The following MGAT2 variants were observed in gnomAD, a reference collection of about 807,000 sequenced individuals.
MGAT2 encodes the protein Beta-1,2-N-acetylglucosaminyltransferase II.
A neutral mutation model predicts 33.8 loss-of-function variants in MGAT2; 17 were observed. The observed-to-expected ratio is 0.50, with a 90% CI of 0.34 to 0.76. The LOEUF is 0.76. MGAT2 is among the 30% of genes least tolerant of loss of function. The probability of loss-of-function intolerance (pLI) is 0.01; values close to 1 mark genes in which losing one functional copy is unlikely to be tolerated. For missense variants in MGAT2, 529 were observed against 553.9 expected, an observed-to-expected ratio of 0.96 and a Z score of 0.45; for synonymous variants, 248 against 226.7, an observed-to-expected ratio of 1.09 and a Z score of -0.84.
rs767775001 is a variant in MGAT2, at chr14:49,622,443, G to A, written c.1175G>A (p.Ser392Asn). 23 of 1,613,864 alleles carry A rather than the reference G, an allele frequency of 1.4e-5. No individual in the cohort carries two copies. The African/African-American group carries it at 1.5e-4, about 10-fold the overall frequency. The change falls in exon 1 of 1, where the codon AGT (serine) becomes AAT (asparagine). Residue 392 changes from serine (S) to asparagine (N), a missense_variant. Ser to Asn is a conservative substitution (Grantham distance 46). Transcript: ENST00000305386. ...HKKTCRPSTQ[S>N]AQIESLLNNN... ...AAAACCTGTAGACCATCCACTCAGA[G>A]TGCCCAAATTGAGTCACTCTTAAAT...
At position 49,622,135 on chromosome 14, in the gene MGAT2, C is replaced by T. The variant is rs781772583; in HGVS notation, c.867C>T (p.Leu289=). 7 of 1,614,088 alleles carry T rather than the reference C, an allele frequency of 4.3e-6. No individual in the cohort carries two copies. Among genetic ancestry groups the T allele is most frequent in the Middle Eastern group, 1.6e-4 (1 of 6,084 alleles). Residue 289 remains leucine, a synonymous_variant, in exon 1 of 1, where the codon CTC becomes CTT. Transcript: ENST00000305386. ...KQQECPECDV[L]SLGTYSASRS... ...AAGAGTGCCCTGAATGTGATGTTCTCTCCCTGGGGACCTATAGTGCCAGTC... is the reference window on the plus strand; with the variant it reads ...AAGAGTGCCCTGAATGTGATGTTCTTTCCCTGGGGACCTATAGTGCCAGTC...
chr14:49,621,102 C>T lies in MGAT2; in HGVS notation c.-167C>T, dbSNP rs1882831420. ...GCGGCGCGGGGTAAATGAGAGGTCT[C>T]GGGCCCCAGGACCCCCGGGGCCCGG... On this transcript the variant is annotated 5_prime_UTR_variant, in exon 1 of 1. Transcript: ENST00000305386. This position sits in a 1 kb window ranked among gnomAD's most constrained non-coding sequence, Gnocchi z 4.6. The T allele has an allele frequency of 5.0e-6, 5 of 995,146 alleles. No homozygotes were observed. Among genetic ancestry groups the T allele is most frequent in the South Asian group, 4.1e-5 (3 of 73,104 alleles). 61.6% of individuals were successfully genotyped at this position (995,146 alleles called of 1,614,324 possible).
chr14:49,622,100 C>G lies in MGAT2; in HGVS notation c.832C>G (p.Leu278Val), dbSNP rs1243185255. ...CCATGTCTTCAAAAAGATGTGGAAA[C>G]TGAAGCAGCAAGAGTGCCCTGAATG... ...FYHVFKKMWKLKQQECPECDV... is the reference protein window; with the variant it reads ...FYHVFKKMWKVKQQECPECDV... The change falls in exon 1 of 1, where the codon CTG becomes GTG. Residue 278 changes from leucine to valine, a missense_variant. Physicochemically the swap from Leu to Val is conservative, Grantham distance 32. This residue lies in a region of MGAT2 where 501 missense variants were observed against 501.1 expected (regional missense o/e 1.00). Coordinates refer to ENST00000305386, the MANE Select transcript of MGAT2 (RefSeq NM_002408.4). 4 of 1,614,066 alleles carry G rather than the reference C, an allele frequency of 2.5e-6. No homozygotes were observed. Among genetic ancestry groups the G allele is most frequent in the Non-Finnish European group, 3.4e-6 (4 of 1,180,034 alleles).
Position 49,621,726 on chromosome 14 carries a change from A to G in MGAT2, c.458A>G (p.His153Arg), listed in dbSNP as rs746429053. 1.9e-6 allele frequency: 3 copies of G among 1,614,220 alleles called. No homozygotes were observed. Among genetic ancestry groups the G allele is most frequent in the East Asian group, 4.5e-5 (2 of 44,888 alleles). Residue 153 changes from histidine to arginine, a missense_variant, in exon 1 of 1, where the codon CAT becomes CGT. His to Arg is a conservative substitution (Grantham distance 29). Around this residue, in one of 2 missense-constraint regions of MGAT2, gnomAD observed 501 missense variants for 501.1 expected, o/e 1.00. Coordinates refer to ENST00000305386, the MANE Select transcript of MGAT2 (RefSeq NM_002408.4). The surrounding 1 kb of genome is among the most constrained non-coding windows in gnomAD (Gnocchi z 4.6). The stretch of plus-strand genomic sequence containing the variant: ...GACAACGTCCTCGTCATCTTTAGCC[A>G]TGACTTCTGGTCGACCGAGATCAAT... ...GIDNVLVIFS[H>R]DFWSTEINQL...
In MGAT2 at chr14:49,622,787, A is replaced by G; in HGVS notation, c.*175A>G. ...CAGTTATGTCTGATTAAGATTTAAA[A>G]CTGAAGGTTTCATTTTGGGAGTAGG... is the stretch of plus-strand genomic sequence containing the variant. On this transcript the variant is annotated 3_prime_UTR_variant, in exon 1 of 1. Coordinates refer to ENST00000305386, the MANE Select transcript of MGAT2 (RefSeq NM_002408.4). 1 of 568,896 alleles carries G rather than the reference A, an allele frequency of 1.8e-6. No homozygotes were observed. The highest frequency in any genetic ancestry group is 2.8e-6 in the Non-Finnish European group (1 of 351,964). The allele number at this position is 568,896 out of a possible 1,614,324, so 35.2% of individuals were successfully genotyped here.
In MGAT2 at chr14:49,621,210, G is replaced by T; in HGVS notation, c.-59G>T. The T allele has an allele frequency of 6.2e-7, 1 of 1,603,970 alleles. No individual in the cohort carries two copies. The highest frequency in any genetic ancestry group is 1.1e-5 in the South Asian group (1 of 90,538). The stretch of plus-strand genomic sequence containing the variant: ...CGGCCGCCGCCCGCCCGCCCCTTCC[G>T]TGCAGAAGCAGCTGCTCCTTTCCGC... On this transcript the variant is annotated 5_prime_UTR_variant, in exon 1 of 1. Coordinates refer to ENST00000305386, the MANE Select transcript of MGAT2 (RefSeq NM_002408.4). The surrounding 1 kb of genome is among the most constrained non-coding windows in gnomAD (Gnocchi z 4.6).
Position 49,620,969 on chromosome 14 carries a change from G to T in MGAT2, c.-300G>T. The T allele has an allele frequency of 1.4e-6, 1 of 702,378 alleles. No homozygotes were observed. Among genetic ancestry groups the T allele is most frequent in the Non-Finnish European group, 2.6e-6 (1 of 384,968 alleles). 43.5% of individuals were successfully genotyped at this position (702,378 alleles called of 1,614,324 possible). A position where few individuals can be genotyped will look rare whatever the true frequency, so the allele number is the denominator to read the frequency against. On this transcript the variant is annotated 5_prime_UTR_variant, in exon 1 of 1. Coordinates refer to ENST00000305386, the MANE Select transcript of MGAT2 (RefSeq NM_002408.4). ...GGGACCGCGGCTGAGCTTTTTCCGG[G>T]ACCCGTGGTGCTGAATGGAGAGGAC...
chr14:49,621,199 C>T lies in MGAT2; in HGVS notation c.-70C>T. 1.1e-5 allele frequency: 17 copies of T among 1,602,656 alleles called. No individual in the cohort carries two copies. The highest frequency in any genetic ancestry group is 1.4e-5 in the Non-Finnish European group (16 of 1,176,146). On this transcript the variant is annotated 5_prime_UTR_variant, in exon 1 of 1. Transcript: ENST00000305386. This position sits in a 1 kb window ranked among gnomAD's most constrained non-coding sequence, Gnocchi z 4.6. ...GGCCAAGGCGACGGCCGCCGCCCGC[C>T]CGCCCCTTCCGTGCAGAAGCAGCTG... is the stretch of plus-strand genomic sequence containing the variant.
Position 49,621,940 on chromosome 14 carries a change from G to A in MGAT2, c.672G>A (p.Glu224=), listed in dbSNP as rs1882867147. The A allele has an allele frequency of 2.5e-6, 4 of 1,614,162 alleles. No individual in the cohort carries two copies. The highest frequency in any genetic ancestry group is 3.4e-6 in the Non-Finnish European group (4 of 1,180,026). ...CCGACTCCTTCGGCCATTATAGAGA[G>A]GCCAAATTCTCCCAGACCAAACATC... ...EYPDSFGHYR[E]AKFSQTKHHW... Residue 224 remains glutamate (E), a synonymous_variant, in exon 1 of 1, where the codon GAG becomes GAA. Transcript: ENST00000305386. The surrounding 1 kb of genome is among the most constrained non-coding windows in gnomAD (Gnocchi z 4.6).
At position 49,622,824 on chromosome 14, in the gene MGAT2, C is replaced by T. The variant is rs1185570999; in HGVS notation, c.*212C>T. ...ATTTTGGGAGTAGGGTTTTAAAGCT[C>T]AATCTGTTATCTGCTAAAATTGATT... is the stretch of plus-strand genomic sequence containing the variant. On this transcript the variant is annotated 3_prime_UTR_variant, in exon 1 of 1. Coordinates refer to ENST00000305386, the MANE Select transcript of MGAT2 (RefSeq NM_002408.4). 4.8e-6 allele frequency: 2 copies of T among 419,322 alleles called. No homozygotes were observed. The highest frequency in any genetic ancestry group is 8.6e-6 in the Non-Finnish European group (2 of 232,038). The allele number at this position is 419,322 out of a possible 1,614,324, so 26.0% of individuals were successfully genotyped here.
Position 49,621,795 on chromosome 14 carries a change from T to C in MGAT2, c.527T>C (p.Phe176Ser). ...GVNFCPVLQV[F>S]FPFSIQLYPN... is the part of the protein sequence containing the mutation. ...AATTTCTGTCCGGTTCTGCAGGTGT[T>C]CTTTCCTTTCAGCATTCAGTTGTAC... Residue 176 changes from phenylalanine to serine, a missense_variant, in exon 1 of 1, where the codon TTC (phenylalanine) becomes TCC (serine). Coordinates refer to ENST00000305386, the MANE Select transcript of MGAT2 (RefSeq NM_002408.4). The surrounding 1 kb of genome is among the most constrained non-coding windows in gnomAD (Gnocchi z 4.6). The C allele has an allele frequency of 6.2e-7, 1 of 1,614,186 alleles. No individual in the cohort carries two copies. Among genetic ancestry groups the C allele is most frequent in the Non-Finnish European group, 8.5e-7 (1 of 1,180,022 alleles).
chr14:49,622,149 A>G lies in MGAT2; in HGVS notation c.881A>G (p.Tyr294Cys), dbSNP rs777502631. 5 of 1,614,196 alleles carry G rather than the reference A, an allele frequency of 3.1e-6. No homozygotes were observed. Among genetic ancestry groups the G allele is most frequent in the Non-Finnish European group, 3.4e-6 (4 of 1,180,030 alleles). ...TGTGATGTTCTCTCCCTGGGGACCT[A>G]TAGTGCCAGTCGCAGTTTCTATGGC... Reference protein sequence around the residue: ...PECDVLSLGTYSASRSFYGMA... With the variant: ...PECDVLSLGTCSASRSFYGMA... Residue 294 changes from tyrosine (Y) to cysteine (C), a missense_variant, in exon 1 of 1, where the codon TAT becomes TGT. Transcript: ENST00000305386.
chr14:49,622,094 T>G lies in MGAT2; in HGVS notation c.826T>G (p.Trp276Gly), dbSNP rs920396388. 6.2e-7 allele frequency: 1 copy of G among 1,614,044 alleles called. No homozygotes were observed. Among genetic ancestry groups the G allele is most frequent in the African/African-American group, 1.3e-5 (1 of 74,910 alleles). ...PDFYHVFKKMWKLKQQECPEC... is the reference protein window; with the variant it reads ...PDFYHVFKKMGKLKQQECPEC... ...CTTTTACCATGTCTTCAAAAAGATG[T>G]GGAAACTGAAGCAGCAAGAGTGCCC... is the stretch of plus-strand genomic sequence containing the variant. The change falls in exon 1 of 1, where the codon TGG becomes GGG. Residue 276 changes from tryptophan to glycine, a missense_variant. Trp to Gly is a radical substitution (Grantham distance 184). Coordinates refer to ENST00000305386, the MANE Select transcript of MGAT2 (RefSeq NM_002408.4).
rs104894446 is a variant in MGAT2 at position 49,622,137 on chromosome 14, C to T, written c.869C>T (p.Ser290Phe). Residue 290 changes from serine (S) to phenylalanine (F), a missense_variant, in exon 1 of 1, where the codon TCC (serine) becomes TTC (phenylalanine). Transcript: ENST00000305386. ...GAGTGCCCTGAATGTGATGTTCTCTCCCTGGGGACCTATAGTGCCAGTCGC... is the reference window on the plus strand; with the variant it reads ...GAGTGCCCTGAATGTGATGTTCTCTTCCTGGGGACCTATAGTGCCAGTCGC... ...QQECPECDVL[S>F]LGTYSASRSF... The T allele has an allele frequency of 1.2e-6, 2 of 1,614,150 alleles. No homozygotes were observed. Among genetic ancestry groups the T allele is most frequent in the Non-Finnish European group, 8.5e-7 (1 of 1,180,034 alleles).
rs535317346 is a variant in MGAT2 at position 49,623,326 on chromosome 14, G to T, written c.*714G>T. On this transcript the variant is annotated 3_prime_UTR_variant, in exon 1 of 1. Transcript: ENST00000305386. ...AAAATACTCATTTTTGCATAAAAAG[G>T]TTCCTAATCCTTTTGCAGAATAAGT... 6.6e-4 allele frequency: 110 copies of T among 166,604 alleles called. No homozygotes were observed. The highest frequency in any genetic ancestry group is 2.4e-3 in the African/African-American group (100 of 41,348). 10.3% of individuals were successfully genotyped at this position (166,604 alleles called of 1,614,324 possible).
In MGAT2 at chr14:49,622,097, A is replaced by C; in HGVS notation, c.829A>C (p.Lys277Gln). ...TTACCATGTCTTCAAAAAGATGTGG[A>C]AACTGAAGCAGCAAGAGTGCCCTGA... ...DFYHVFKKMWKLKQQECPECD... is the reference protein window; with the variant it reads ...DFYHVFKKMWQLKQQECPECD... Residue 277 changes from lysine to glutamine, a missense_variant, in exon 1 of 1, where the codon AAA becomes CAA. By Grantham distance (53) the Lys-to-Gln change is moderately conservative (BLOSUM62 1). Coordinates refer to ENST00000305386, the MANE Select transcript of MGAT2 (RefSeq NM_002408.4). 6.2e-7 allele frequency: 1 copy of C among 1,614,192 alleles called. No homozygotes were observed. Among genetic ancestry groups the C allele is most frequent in the South Asian group, 1.1e-5 (1 of 91,088 alleles).
rs1882906007 is a variant in MGAT2 at position 49,623,251 on chromosome 14, G to A, written c.*639G>A. 2 of 166,276 alleles carry A rather than the reference G, an allele frequency of 1.2e-5. No individual in the cohort carries two copies. Among genetic ancestry groups the A allele is most frequent in the South Asian group, 4.1e-4 (2 of 4,822 alleles). 10.3% of individuals were successfully genotyped at this position (166,276 alleles called of 1,614,324 possible). A position where few individuals can be genotyped will look rare whatever the true frequency, so the allele number is the denominator to read the frequency against. ...GTTTAAACATTGTTTTCACCTCAAT[G>A]TAGAAATACAGTGGTTTTGTTTTTT... On this transcript the variant is annotated 3_prime_UTR_variant, in exon 1 of 1. Coordinates refer to ENST00000305386, the MANE Select transcript of MGAT2 (RefSeq NM_002408.4).
In MGAT2 at chr14:49,621,104, G is replaced by A. The variant is rs1187094967; in HGVS notation, c.-165G>A. 9.9e-7 allele frequency: 1 copy of A among 1,013,540 alleles called. No individual in the cohort carries two copies. The highest frequency in any genetic ancestry group is 1.5e-6 in the Non-Finnish European group (1 of 673,886). 62.8% of individuals were successfully genotyped at this position (1,013,540 alleles called of 1,614,324 possible). A position where few individuals can be genotyped will look rare whatever the true frequency, so the allele number is the denominator to read the frequency against. ...GGCGCGGGGTAAATGAGAGGTCTCG[G>A]GCCCCAGGACCCCCGGGGCCCGGGA... On this transcript the variant is annotated 5_prime_UTR_variant, in exon 1 of 1. Transcript: ENST00000305386. The surrounding 1 kb of genome is among the most constrained non-coding windows in gnomAD (Gnocchi z 4.6).
In MGAT2 at chr14:49,623,226, G is replaced by C. The variant is rs1177268369; in HGVS notation, c.*614G>C. The C allele has an allele frequency of 6.0e-6, 1 of 165,424 alleles. No homozygotes were observed. Among genetic ancestry groups the C allele is most frequent in the Non-Finnish European group, 1.5e-5 (1 of 67,862 alleles). The allele number at this position is 165,424 out of a possible 1,614,324, so 10.2% of individuals were successfully genotyped here. On this transcript the variant is annotated 3_prime_UTR_variant, in exon 1 of 1. Coordinates refer to ENST00000305386, the MANE Select transcript of MGAT2 (RefSeq NM_002408.4). The stretch of plus-strand genomic sequence containing the variant: ...TGGAATGTATTTGATTGATAAGAAA[G>C]TTTAAACATTGTTTTCACCTCAATG...
Sources: allele counts gnomAD v4.1 joint callset, GRCh38; gene constraint gnomAD v4.1.1; regional missense constraint gnomAD v4.1.1; non-coding constraint Gnocchi (gnomAD v3.1); transcripts MANE v1.5; gene names NCBI Gene and HGNC (gene_info 2026-07-23, HGNC 2026-07-21).